The following NYAP2 variants were observed in gnomAD, a reference collection of about 807,000 sequenced individuals.
NYAP2 encodes the protein neuronal tyrosine-phosphorylated phosphoinositide-3-kinase adaptor 2, also known as neuronal tyrosine-phosphorylated phosphoinositide-3-kinase adapter 2.
NYAP2 carries 23 observed loss-of-function variants against 50.4 expected under a neutral mutation model. The ratio of observed to expected loss-of-function variants is 0.46; its 90% CI spans 0.33 to 0.65. The LOEUF (loss-of-function observed/expected upper bound fraction) is 0.65. Ranked by LOEUF, NYAP2 falls within the 30% of genes least tolerant of loss-of-function variation. The pLI, the probability that NYAP2 is intolerant of heterozygous loss-of-function variation, is 0.02. For synonymous variants in NYAP2, 394 were observed against 365.2 expected (o/e 1.08, Z -0.90); for missense variants, 885 against 861.0 (o/e 1.03, Z -0.35).
intron 5 of NYAP2, among the ~76,000 whole-genome samples, chr2:225,601,638 G>A (rs2894569): frequency 0.95 from 144,969 of 152,274 alleles, 69,126 homozygotes; most frequent in African/African-American, 0.99. Context: ...TCATTTCCCA[G>A]TGTTGAGCAT....
At chr2:225,563,000 T>C (rs188042691) in intron 4 of NYAP2, among the ~76,000 whole-genome samples, 132 of 152,246 alleles carry the variant, frequency 8.7e-4, no homozygotes, top group Admixed American at 3.9e-3. Flanking sequence ...AAAATATTTC[T>C]GAAATGAAAT....
chr2:225,622,148 C>G (rs1169510443), intron 5 of NYAP2, among the ~76,000 whole-genome samples: 1 of 152,154 alleles, frequency 6.6e-6, no homozygotes, highest in African/African-American at 2.4e-5. Context: ...TCCTCCCACT[C>G]CAGCTTCCCA....
downstream of NYAP2, among the ~76,000 whole-genome samples, chr2:225,658,039 C>G (rs189650165): frequency 6.6e-6 from 1 of 152,140 alleles, no homozygotes; most frequent in African/African-American, 2.4e-5. Context: ...GAACTGAGAA[C>G]ATGTTTTCCA....
intron 4 of NYAP2, among the ~76,000 whole-genome samples, chr2:225,520,474 T>A (rs1691031601): frequency 6.6e-6 from 1 of 152,190 alleles, no homozygotes; most frequent in Admixed American, 6.5e-5. Flanking sequence ...GGGATCCAGT[T>A]TCAGCTTTCT....
At chr2:225,676,144 G>C in the NYAP2 span, among the ~76,000 whole-genome samples, 4 of 152,068 alleles carry the variant, frequency 2.6e-5, no homozygotes, top group Non-Finnish European at 5.9e-5. Flanking sequence ...CTCTGCAGAA[G>C]CTCTTAGTTT....
chr2:225,670,169 C>A, the NYAP2 span, among the ~76,000 whole-genome samples: 18 of 152,256 alleles, frequency 1.2e-4, no homozygotes, highest in African/African-American at 4.3e-4. Flanking sequence ...GTATCCTTGG[C>A]CTTCACAGTT....
intron 6 of NYAP2, among the ~76,000 whole-genome samples, chr2:225,649,927 T>G (rs1574731221): frequency 6.6e-6 from 1 of 152,244 alleles, no homozygotes; most frequent in Non-Finnish European, 1.5e-5. Flanking sequence ...AAACCTTGTT[T>G]ATTGTCTTTT....
intron 3 of NYAP2, among the ~76,000 whole-genome samples, chr2:225,452,235 A>G (rs945190568): frequency 1.3e-5 from 2 of 152,224 alleles, no homozygotes; most frequent in East Asian, 3.8e-4. Context: ...TCTTTTTAAA[A>G]TAAAGAACAG....
intron 4 of NYAP2, among the ~76,000 whole-genome samples, chr2:225,539,005 C>A (rs1691408463): frequency 6.6e-6 from 1 of 151,948 alleles, no homozygotes. Flanking sequence ...AGCCCTTCAC[C>A]TCCTGACAGG....
At chr2:225,559,932 C>G (rs575888952) in intron 4 of NYAP2, among the ~76,000 whole-genome samples, 5 of 152,082 alleles carry the variant, frequency 3.3e-5, no homozygotes, top group African/African-American at 1.2e-4. Flanking sequence ...GAAGATATTG[C>G]CTGCATTAGG....
At chr2:225,475,059 T>G (rs1690080377) in intron 3 of NYAP2, among the ~76,000 whole-genome samples, 1 of 152,228 alleles carries the variant, frequency 6.6e-6, no homozygotes, top group South Asian at 2.1e-4. Context: ...TTCTAATTTT[T>G]AAAATATTAA....
At chr2:225,650,862 A>G (rs1225874635) in intron 6 of NYAP2, among the ~76,000 whole-genome samples, 1 of 152,246 alleles carries the variant, frequency 6.6e-6, no homozygotes, top group East Asian at 1.9e-4. Flanking sequence ...GGCTCCTCAA[A>G]TTAGAGAAGA....
At chr2:225,664,004 C>CT in the NYAP2 span, among the ~76,000 whole-genome samples, 1 of 152,100 alleles carries the variant, frequency 6.6e-6, no homozygotes, top group Non-Finnish European at 1.5e-5. Context: ...ATCCACAAGG[C>CT]TTTTTTATCT....
chr2:225,496,915 A>G (rs905907932), intron 3 of NYAP2, among the ~76,000 whole-genome samples: 4 of 149,034 alleles, frequency 2.7e-5, no homozygotes, highest in Non-Finnish European at 6.0e-5. Context: ...GTAATGGAGA[A>G]TTTTTTTTTT....
chr2:225,523,398 C>A (rs1191088926), intron 4 of NYAP2, among the ~76,000 whole-genome samples: 1 of 150,898 alleles, frequency 6.6e-6, no homozygotes, highest in African/African-American at 2.4e-5. Flanking sequence ...AGGAAATCAA[C>A]ATTCAGACAT....
chr2:225,587,057 C>T (rs1000799154), intron 5 of NYAP2, among the ~76,000 whole-genome samples: 3 of 152,138 alleles, frequency 2.0e-5, no homozygotes, highest in Non-Finnish European at 4.4e-5. Context: ...TCTTATAAAA[C>T]AATTAGATCT....
intron 5 of NYAP2, among the ~76,000 whole-genome samples, chr2:225,621,188 C>T (rs554681067): frequency 2.0e-5 from 3 of 150,774 alleles, no homozygotes; most frequent in South Asian, 2.1e-4. Flanking sequence ...GAGGCTATGA[C>T]GTTTGGAAGC....
chr2:225,567,079 G>A (rs1691974759), intron 4 of NYAP2, among the ~76,000 whole-genome samples: 1 of 152,132 alleles, frequency 6.6e-6, no homozygotes, highest in South Asian at 2.1e-4. Context: ...TACACACCTA[G>A]GCCATAAGGT....
chr2:225,460,544 C>G (rs559536006), intron 3 of NYAP2, among the ~76,000 whole-genome samples: 4 of 152,182 alleles, frequency 2.6e-5, no homozygotes, highest in Non-Finnish European at 4.4e-5. Flanking sequence ...CATTTCTAGT[C>G]TCTCTCTGAA....
Sources: gnomAD v4.1 joint callset for allele counts (sites outside exome capture counted in the v4.1 genomes callset) on GRCh38, gnomAD v4.1.1 for gene constraint, MANE v1.5 for transcripts, NCBI Gene and HGNC (gene_info 2026-07-23, HGNC 2026-07-21) for gene names.